LDLRAD4: variants seen among roughly 807,000 people sequenced by gnomAD.
LDLRAD4 encodes low density lipoprotein receptor class A domain containing 4.
Under a neutral mutation model 17.0 loss-of-function variants are expected in LDLRAD4, and 5 were observed. The ratio of observed to expected loss-of-function variants is 0.29; its 90% CI spans 0.15 to 0.62. The LOEUF (loss-of-function observed/expected upper bound fraction) is 0.62. LDLRAD4 is among the 20% of genes least tolerant of loss of function. The pLI, the probability that LDLRAD4 is intolerant of heterozygous loss-of-function variation, is 0.84. For synonymous variants in LDLRAD4, 168 were observed against 171.8 expected (o/e 0.98, Z 0.17); for missense variants, 340 against 424.7 (o/e 0.80, Z 1.75).
At chr18:13,380,916 C>T (rs374344427) in intron 1 of LDLRAD4, among the ~76,000 whole-genome samples, 6 of 152,112 alleles carry the variant, frequency 3.9e-5, no homozygotes, top group African/African-American at 1.4e-4. Context: ...TTTGCCCCCC[C>T]ACATCACAGA....
At chr18:13,272,516 A>G (rs2044621275) in intron 1 of LDLRAD4, among the ~76,000 whole-genome samples, 1 of 152,254 alleles carries the variant, frequency 6.6e-6, no homozygotes, top group Non-Finnish European at 1.5e-5. Context: ...GACAGCTGCC[A>G]GACGGTGCCT....
intron 1 of LDLRAD4, among the ~76,000 whole-genome samples, chr18:13,317,268 C>T (rs1439967140): frequency 3.3e-5 from 5 of 152,234 alleles, no homozygotes; most frequent in Admixed American, 6.5e-5. Flanking sequence ...TGCCCCTACA[C>T]GTATCCTAAG....
At chr18:13,462,233 C>T (rs1218907104) in intron 3 of LDLRAD4, 1 of 152,288 alleles carries the variant, frequency 6.6e-6, no homozygotes, top group Admixed American at 6.5e-5. Flanking sequence ...TGTGGTTACA[C>T]TGGACAGAAA....
chr18:13,487,276 C>T (rs888296552), intron 3 of LDLRAD4: 4 of 152,284 alleles, frequency 2.6e-5, no homozygotes, highest in Non-Finnish European at 4.4e-5. Context: ...CCCCCTGTCC[C>T]TGGTGTGCTA....
intron 4 of LDLRAD4, among the ~76,000 whole-genome samples, chr18:13,637,091 C>A (rs2042148977): frequency 1.3e-5 from 2 of 152,200 alleles, no homozygotes; most frequent in African/African-American, 4.8e-5. Context: ...AGCCACCGTG[C>A]CTGGCCTAAA....
exon 6 of LDLRAD4, chr18:13,650,000 G>C: frequency 2.5e-6 from 1 of 398,394 alleles, no homozygotes; most frequent in East Asian, 3.6e-5. Context: ...TAAAAATGTT[G>C]CTTCCAGCCC....
intron 3 of LDLRAD4, among the ~76,000 whole-genome samples, chr18:13,513,632 G>A (rs960107963): frequency 6.6e-6 from 1 of 152,154 alleles, no homozygotes; most frequent in African/African-American, 2.4e-5. Flanking sequence ...TTTATTGTGA[G>A]CTTTCAGAGC....
At position 13,547,222 on chromosome 18, in the gene LDLRAD4, C is replaced by T. The variant is rs187434607; in HGVS notation, c.182-73895C>T. ...CTTCGTCATTTACTCGAGTAGCATC[C>T]ATTAGGGTCCAGTGATTTTAAAGTT... On this transcript the variant is annotated intron_variant, in intron 3 of 5. Coordinates refer to ENST00000359446, the Ensembl canonical transcript of LDLRAD4. Among the ~76,000 whole-genome samples, 340 of 152,308 alleles carry T rather than the reference C, an allele frequency of 2.2e-3. 1 individual carries two copies. The highest frequency in any genetic ancestry group is 3.4e-3 in the Non-Finnish European group (229 of 68,028).
At chr18:13,433,422 C>T (rs2090465058) in intron 2 of LDLRAD4, among the ~76,000 whole-genome samples, 4 of 152,348 alleles carry the variant, frequency 2.6e-5, no homozygotes, top group African/African-American at 9.6e-5. Flanking sequence ...GCTGATTTTA[C>T]AGCTGAGATG....
At chr18:13,298,692 T>A (rs115702413) in intron 1 of LDLRAD4, among the ~76,000 whole-genome samples, 1 of 151,738 alleles carries the variant, frequency 6.6e-6, no homozygotes, top group Non-Finnish European at 1.5e-5. Flanking sequence ...ATGTTGCCGC[T>A]TTGGGCATGG....
chr18:13,476,203 A>G (rs1353232139), intron 3 of LDLRAD4, among the ~76,000 whole-genome samples: 7 of 152,206 alleles, frequency 4.6e-5, no homozygotes, highest in Non-Finnish European at 7.4e-5. Flanking sequence ...AGTCACGTTC[A>G]GGGGTCACAT....
intron 1 of LDLRAD4, among the ~76,000 whole-genome samples, chr18:13,270,649 T>A (rs7228541): frequency 1.3e-5 from 2 of 152,170 alleles, no homozygotes; most frequent in Non-Finnish European, 2.9e-5. Context: ...TAGAGCGGAA[T>A]GCAGTTAGCT....
intron 2 of LDLRAD4, among the ~76,000 whole-genome samples, chr18:13,400,722 T>C (rs1364163232): frequency 6.6e-6 from 1 of 152,190 alleles, no homozygotes; most frequent in Non-Finnish European, 1.5e-5. Flanking sequence ...TTCAAAATGC[T>C]TTGACCAGAA....
chr18:13,327,566 A>G (rs1013607545), intron 1 of LDLRAD4, among the ~76,000 whole-genome samples: 1 of 152,118 alleles, frequency 6.6e-6, no homozygotes, highest in Non-Finnish European at 1.5e-5. Context: ...AGAGATTTCC[A>G]TATGGTGCGT....
In LDLRAD4 at chr18:13,552,771, G is replaced by A. The variant is rs556253162; in HGVS notation, c.182-68346G>A. Among the ~76,000 whole-genome samples, 11 of 152,290 alleles carry A rather than the reference G, an allele frequency of 7.2e-5. 2 individuals are homozygous for A. In the South Asian group the frequency reaches 1.9e-3, roughly 26 times the overall value. On this transcript the variant is annotated intron_variant, in intron 3 of 5. Transcript: ENST00000359446. ...AGAATCTGTCCGTCTCCCTCTTCAT[G>A]GGCCACCTGAGTAAGTGGGTGTGCA...
intron 3 of LDLRAD4, chr18:13,543,545 T>G (rs1286311921): frequency 1.3e-5 from 2 of 152,226 alleles, no homozygotes. Flanking sequence ...GAATAATACC[T>G]TTCTCAACTG....
intron 2 of LDLRAD4, among the ~76,000 whole-genome samples, chr18:13,427,988 A>C (rs2090071388): frequency 6.6e-6 from 1 of 152,182 alleles, no homozygotes; most frequent in Non-Finnish European, 1.5e-5. Context: ...TGATTTCTTT[A>C]ATAATATTGA....
chr18:13,457,553 G>A (rs1008693010), intron 3 of LDLRAD4, among the ~76,000 whole-genome samples: 2 of 152,210 alleles, frequency 1.3e-5, no homozygotes, highest in Non-Finnish European at 2.9e-5. Context: ...CAGCTGAAAG[G>A]CGGACAGAAA....
At chr18:13,378,352 T>G (rs2085082733) in intron 1 of LDLRAD4, among the ~76,000 whole-genome samples, 1 of 152,132 alleles carries the variant, frequency 6.6e-6, no homozygotes. Flanking sequence ...GCACCCTACT[T>G]GTCAGAAGGG....
Sources: gnomAD v4.1 joint callset for allele counts (sites outside exome capture counted in the v4.1 genomes callset) on GRCh38, gnomAD v4.1.1 for gene constraint, MANE v1.5 for transcripts, NCBI Gene and HGNC (gene_info 2026-07-23, HGNC 2026-07-21) for gene names.